AP3B1: variants seen among roughly 807,000 people sequenced by gnomAD.
AP3B1 encodes the protein AP-3 complex subunit beta-1.
In AP3B1, 61 loss-of-function variants were observed where a neutral mutation model predicts 132.5. The ratio of observed to expected loss-of-function variants is 0.46; its 90% CI spans 0.37 to 0.57. AP3B1 has a LOEUF of 0.57. Ranked by LOEUF, AP3B1 falls within the 20% of genes least tolerant of loss-of-function variation. AP3B1 has a pLI of 0.00. For synonymous variants in AP3B1, 388 were observed against 438.3 expected (o/e 0.89, Z 1.43); for missense variants, 1,120 against 1,289.4 (o/e 0.87, Z 2.01).
chr5:78,165,866 C>G (rs992235852), intron 11 of AP3B1, among the ~76,000 whole-genome samples, 194 bp from the exon 12 acceptor site: 2 of 152,124 alleles, frequency 1.3e-5, no homozygotes, highest in East Asian at 3.9e-4. Context: ...GCTGGGAGTG[C>G]AAGACCAGCC....
chr5:78,165,573 T>C (rs1333341977), intron 12 of AP3B1, 37 bp downstream of exon 12: 1 of 1,432,354 alleles, frequency 7.0e-7, no homozygotes, highest in Middle Eastern at 1.8e-4. Context: ...TGAACATATG[T>C]TTTAGAAGTT....
chr5:78,070,022 G>T (rs967046443), intron 22 of AP3B1, among the ~76,000 whole-genome samples: 22 of 152,110 alleles, frequency 1.4e-4, no homozygotes, highest in African/African-American at 5.1e-4. Context: ...TTTAATAAAA[G>T]GTGCTGGGAA....
At chr5:78,216,697 A>T (rs1182650417) in intron 6 of AP3B1, among the ~76,000 whole-genome samples, 2 of 152,208 alleles carry the variant, frequency 1.3e-5, no homozygotes, top group African/African-American at 2.4e-5. Flanking sequence ...GTTAAAAAGT[A>T]TATGAGAAAT....
At chr5:78,088,256 C>T (rs1750349896) in intron 22 of AP3B1, among the ~76,000 whole-genome samples, 1 of 152,164 alleles carries the variant, frequency 6.6e-6, no homozygotes, top group Admixed American at 6.5e-5. Context: ...GCTTCTCCCT[C>T]ATATCTTTTA....
downstream of AP3B1, chr5:78,000,998 T>C (rs1234276665): frequency 2.0e-5 from 3 of 151,912 alleles, no homozygotes; most frequent in South Asian, 2.1e-4. Flanking sequence ...CACTGATTCA[T>C]ACTACATTAT....
At chr5:78,292,636 G>T (rs1315654151) in intron 1 of AP3B1, among the ~76,000 whole-genome samples, 1 of 151,564 alleles carries the variant, frequency 6.6e-6, no homozygotes, top group Non-Finnish European at 1.5e-5. Context: ...GGGTTGTTTA[G>T]GAAAACTGAA....
chr5:78,003,487 C>A (rs1746266831), intron 26 of AP3B1: 1 of 795,948 alleles, frequency 1.3e-6, no homozygotes, highest in South Asian at 5.8e-5. Flanking sequence ...AAATTTAACT[C>A]CTCATATCTG....
chr5:78,183,867 TAA>T (rs899886034), intron 7 of AP3B1, among the ~76,000 whole-genome samples: 9 of 71,522 alleles, frequency 1.3e-4, no homozygotes, highest in Admixed American at 5.0e-4. Flanking sequence ...AATTCCATCT[TAA>T]AAAAAAAAAA....
chr5:78,079,610 T>C (rs1189412844), intron 22 of AP3B1, among the ~76,000 whole-genome samples: 2 of 152,210 alleles, frequency 1.3e-5, no homozygotes, highest in Non-Finnish European at 2.9e-5. Flanking sequence ...AAACCCGGAC[T>C]CAAGTATTAA....
intron 7 of AP3B1, among the ~76,000 whole-genome samples, chr5:78,190,272 C>T (rs1341178376): frequency 6.6e-6 from 1 of 152,086 alleles, no homozygotes; most frequent in Admixed American, 6.6e-5. Context: ...GGTTCTACTG[C>T]CATGAGAACA....
intron 3 of AP3B1, among the ~76,000 whole-genome samples, chr5:78,236,517 C>T (rs542921597): frequency 6.6e-6 from 1 of 152,206 alleles, no homozygotes; most frequent in African/African-American, 2.4e-5. Context: ...AGCAACCTAG[C>T]TTTGGATTCT....
At chr5:78,120,617 G>A (rs1411252602) in intron 17 of AP3B1, among the ~76,000 whole-genome samples, 1 of 151,882 alleles carries the variant, frequency 6.6e-6, no homozygotes, top group Non-Finnish European at 1.5e-5. Context: ...TAATGGTAAA[G>A]GGATCAATTC....
chr5:78,162,827 T>C lies in AP3B1; in HGVS notation c.1355A>G (p.Asn452Ser), dbSNP rs780176561. The change falls in exon 13 of 27, where the codon AAC becomes AGC. Residue 452 changes from asparagine (N) to serine (S), a missense_variant. By Grantham distance (46) the Asn-to-Ser change is conservative. This residue lies in a region of AP3B1 where 906 missense variants were observed against 997.1 expected (regional missense o/e 0.91). Coordinates refer to ENST00000255194, the MANE Select transcript of AP3B1 (RefSeq NM_003664.5). ...TGAAACTGTAAACTTACCATCCCTG[T>C]TGGACAGCAGACAGACCAAGCCATT... Reference protein sequence around the residue: ...CLNGLVCLLSNRDEIVVAESV... With the variant: ...CLNGLVCLLSSRDEIVVAESV... 6.2e-7 allele frequency: 1 copy of C among 1,613,952 alleles called. No individual in the cohort carries two copies. The highest frequency in any genetic ancestry group is 1.1e-5 in the South Asian group (1 of 91,080).
At chr5:78,116,616 A>C (rs1433858378) in intron 17 of AP3B1, among the ~76,000 whole-genome samples, 2 of 150,216 alleles carry the variant, frequency 1.3e-5, no homozygotes, top group African/African-American at 4.9e-5. Flanking sequence ...AAAAGAGAGA[A>C]AAAAAAAAAG....
intron 17 of AP3B1, among the ~76,000 whole-genome samples, chr5:78,122,646 G>A (rs1752266403): frequency 6.6e-6 from 1 of 152,152 alleles, no homozygotes; most frequent in South Asian, 2.1e-4. Flanking sequence ...CAAGGGATGG[G>A]AAGGACCTCT....
Position 78,129,307 on chromosome 5 carries a change from T to G in AP3B1, c.1651A>C (p.Thr551Pro), listed in dbSNP as rs1752595379. 4 of 1,609,312 alleles carry G rather than the reference T, an allele frequency of 2.5e-6. No individual in the cohort carries two copies. In the African/African-American group the frequency reaches 4.0e-5, roughly 16 times the overall value. ...AATATGTACTGGGTAAGCAATTTTG[T>G]CTGTTGGAAAAAAACAGATCAAGAT... is the stretch of plus-strand genomic sequence containing the variant. ...AKLYLTNSKQTKLLTQYILNL... is the reference protein window; with the variant it reads ...AKLYLTNSKQPKLLTQYILNL... The change falls in exon 16 of 27, where the codon ACA becomes CCA. Residue 551 changes from threonine (T) to proline (P), a missense_variant and splice_region_variant. By Grantham distance (38) the Thr-to-Pro change is conservative. This residue lies in a region of AP3B1 where 906 missense variants were observed against 997.1 expected (regional missense o/e 0.91). Transcript: ENST00000255194.
At chr5:78,131,680 C>T (rs1267572196) in intron 15 of AP3B1, among the ~76,000 whole-genome samples, 1 of 152,098 alleles carries the variant, frequency 6.6e-6, no homozygotes, top group Non-Finnish European at 1.5e-5. Context: ...GGTGCTCCAT[C>T]AAAAGAGTCT....
chr5:78,109,368 C>T, intron 20 of AP3B1, among the ~76,000 whole-genome samples: 1 of 152,060 alleles, frequency 6.6e-6, no homozygotes, highest in East Asian at 1.9e-4. Flanking sequence ...ACTCAGATAA[C>T]ATATTGAAGA....
At chr5:78,065,620 T>C (rs1354326728) in intron 22 of AP3B1, among the ~76,000 whole-genome samples, 4 of 152,138 alleles carry the variant, frequency 2.6e-5, no homozygotes, top group African/African-American at 9.6e-5. Flanking sequence ...CCTGCAGGAA[T>C]TTCAGCAACT....
Sources: gnomAD v4.1 joint callset for allele counts (sites outside exome capture counted in the v4.1 genomes callset) on GRCh38, gnomAD v4.1.1 for gene constraint, gnomAD v4.1.1 regional missense constraint, MANE v1.5 for transcripts, NCBI Gene and HGNC (gene_info 2026-07-23, HGNC 2026-07-21) for gene names.